The following DYNC1I1 variants were observed in gnomAD, a reference collection of about 807,000 sequenced individuals.
DYNC1I1 encodes the protein dynein cytoplasmic 1 intermediate chain 1.
In DYNC1I1, 43 loss-of-function variants were observed where a neutral mutation model predicts 86.6. The observed-to-expected ratio is 0.50, with a 90% CI of 0.39 to 0.64. The LOEUF (loss-of-function observed/expected upper bound fraction) is 0.64, where lower values mean the gene tolerates loss of function less well. DYNC1I1 is among the 30% of genes least tolerant of loss of function. DYNC1I1 has a pLI of 0.00. For missense variants in DYNC1I1, 604 were observed against 788.8 expected (o/e 0.77, Z 2.81); for synonymous variants, 262 against 283.7 (o/e 0.92, Z 0.77).
At chr7:96,050,475 A>G (rs1789373617) in intron 14 of DYNC1I1, among the ~76,000 whole-genome samples, 1 of 152,232 alleles carries the variant, frequency 6.6e-6, no homozygotes, top group Admixed American at 6.5e-5. Flanking sequence ...TGTGATTTGA[A>G]TAGTTAATAT....
chr7:95,838,694 G>A (rs1018831671), intron 5 of DYNC1I1, among the ~76,000 whole-genome samples: 1 of 151,650 alleles, frequency 6.6e-6, no homozygotes, highest in Non-Finnish European at 1.5e-5. Flanking sequence ...TCATTTCTTT[G>A]TCTTCAATTT....
At chr7:95,869,803 T>C in intron 5 of DYNC1I1, 80 bp from the exon 6 acceptor site, 1 of 1,348,320 alleles carries the variant, frequency 7.4e-7, no homozygotes, top group Non-Finnish European at 1.0e-6. Flanking sequence ...TTGTTTGTTT[T>C]AGTGCTTTCT....
At chr7:96,077,403 C>A (rs917372047) in intron 15 of DYNC1I1, among the ~76,000 whole-genome samples, 1 of 151,988 alleles carries the variant, frequency 6.6e-6, no homozygotes, top group African/African-American at 2.4e-5. Context: ...TCTATTTTTG[C>A]TTTTAGCTAC....
chr7:95,949,616 A>G (rs189419084), intron 6 of DYNC1I1, among the ~76,000 whole-genome samples: 163 of 152,372 alleles, frequency 1.1e-3, no homozygotes, highest in African/African-American at 3.8e-3. Context: ...TAGATGTGAC[A>G]TATTCACTAG....
chr7:96,013,515 G>T (rs1278141654), intron 10 of DYNC1I1, among the ~76,000 whole-genome samples: 1 of 152,204 alleles, frequency 6.6e-6, no homozygotes, highest in Non-Finnish European at 1.5e-5. Context: ...CTGGAGTGCA[G>T]TGGCATGATC....
chr7:95,877,019 A>T (rs1391134740), intron 6 of DYNC1I1, among the ~76,000 whole-genome samples: 1 of 152,212 alleles, frequency 6.6e-6, no homozygotes, highest in Non-Finnish European at 1.5e-5. Flanking sequence ...ATTCTATGGT[A>T]TTTGAACCAT....
At chr7:95,918,002 C>G (rs76635151) in intron 6 of DYNC1I1, among the ~76,000 whole-genome samples, 86 of 152,244 alleles carry the variant, frequency 5.6e-4, no homozygotes, top group African/African-American at 1.9e-3. Flanking sequence ...AACATGAGGA[C>G]CAGTGGTTGA....
intron 1 of DYNC1I1, among the ~76,000 whole-genome samples, chr7:95,790,392 C>T (rs1252378477): frequency 2.0e-5 from 3 of 152,166 alleles, no homozygotes; most frequent in Non-Finnish European, 4.4e-5. Context: ...ATTCTTCTTA[C>T]CTCCCACCTT....
At chr7:95,852,371 G>T (rs1047411409) in intron 5 of DYNC1I1, among the ~76,000 whole-genome samples, 4 of 151,450 alleles carry the variant, frequency 2.6e-5, no homozygotes, top group African/African-American at 7.3e-5. Flanking sequence ...TTATATTTTT[G>T]ATTTTATTTA....
chr7:95,906,442 T>C (rs1791179977), intron 6 of DYNC1I1, among the ~76,000 whole-genome samples: 1 of 152,180 alleles, frequency 6.6e-6, no homozygotes, highest in Non-Finnish European at 1.5e-5. Context: ...TTTCCTTTTT[T>C]TATACATCTG....
chr7:95,950,869 A>G (rs1386119620), intron 6 of DYNC1I1, among the ~76,000 whole-genome samples: 1 of 152,206 alleles, frequency 6.6e-6, no homozygotes, highest in African/African-American at 2.4e-5. Flanking sequence ...TCATGACACA[A>G]TAAAGTTATG....
At chr7:95,887,583 C>G (rs1339442414) in intron 6 of DYNC1I1, among the ~76,000 whole-genome samples, 1 of 152,180 alleles carries the variant, frequency 6.6e-6, no homozygotes, top group Non-Finnish European at 1.5e-5. Context: ...ACTACCTCCT[C>G]TCACCCTTCT....
chr7:96,050,890 T>TA (rs1056828065), intron 14 of DYNC1I1, among the ~76,000 whole-genome samples: 2 of 152,140 alleles, frequency 1.3e-5, no homozygotes, highest in East Asian at 1.9e-4. Context: ...TATGATCCTT[T>TA]AAAAAAAAGT....
chr7:95,886,892 G>A (rs1790607863), intron 6 of DYNC1I1, among the ~76,000 whole-genome samples: 1 of 152,302 alleles, frequency 6.6e-6, no homozygotes, highest in East Asian at 1.9e-4. Context: ...CATGGCAGAG[G>A]AAGTCAATGC....
chr7:96,035,886 T>C, intron 13 of DYNC1I1, 134 bp downstream of exon 13: 2 of 1,405,302 alleles, frequency 1.4e-6, no homozygotes, highest in Non-Finnish European at 2.0e-6. Flanking sequence ...CAACTCTTCA[T>C]TATCTTAAAG....
At chr7:95,826,864 G>A (rs1270843147) in intron 4 of DYNC1I1, among the ~76,000 whole-genome samples, 2 of 152,310 alleles carry the variant, frequency 1.3e-5, no homozygotes, top group Admixed American at 6.5e-5. Context: ...TGACATGTGA[G>A]TGAATGAATG....
chr7:96,059,607 G>A (rs1376101372), intron 14 of DYNC1I1, among the ~76,000 whole-genome samples: 6 of 151,932 alleles, frequency 3.9e-5, no homozygotes, highest in African/African-American at 7.2e-5. Context: ...AATGAATGTT[G>A]CAAAAAAAAA....
At chr7:96,059,990 A>T (rs1789715142) in intron 14 of DYNC1I1, among the ~76,000 whole-genome samples, 1 of 152,200 alleles carries the variant, frequency 6.6e-6, no homozygotes, top group African/African-American at 2.4e-5. Flanking sequence ...AATATATTTG[A>T]GCTATAGCTT....
At chr7:95,805,145 T>G (rs1473467756) in intron 2 of DYNC1I1, among the ~76,000 whole-genome samples, 1 of 152,154 alleles carries the variant, frequency 6.6e-6, no homozygotes, top group Non-Finnish European at 1.5e-5. Context: ...TTCTTAACCT[T>G]TCTGTGCCTC....
Sources: allele counts gnomAD v4.1 joint callset (sites outside exome capture counted in the v4.1 genomes callset), GRCh38; gene constraint gnomAD v4.1.1; transcripts MANE v1.5; gene names NCBI Gene and HGNC (gene_info 2026-07-23, HGNC 2026-07-21).